PRDM16: variants seen among roughly 807,000 people sequenced by gnomAD.
The protein encoded by PRDM16 is histone-lysine N-methyltransferase PRDM16.
A neutral mutation model predicts 110.6 loss-of-function variants in PRDM16; 23 were observed. The ratio of observed to expected loss-of-function variants is 0.21; its 90% CI spans 0.15 to 0.29. The LOEUF (loss-of-function observed/expected upper bound fraction) is 0.29, where lower values mean the gene tolerates loss of function less well. PRDM16 is among the 10% of genes least tolerant of loss of function. The probability of loss-of-function intolerance (pLI) is 1.00; values close to 1 mark genes in which losing one functional copy is unlikely to be tolerated. For synonymous variants in PRDM16, 799 were observed against 781.8 expected (o/e 1.02, Z -0.37); for missense variants, 1,615 against 1,794.3 (o/e 0.90, Z 1.81).
At chr1:3,286,934 T>A (rs2100343506) in intron 3 of PRDM16, among the ~76,000 whole-genome samples, 1 of 150,962 alleles carries the variant, frequency 6.6e-6, no homozygotes, top group African/African-American at 2.4e-5. Context: ...CAAAGCTGGG[T>A]CTGCCCACCC....
intron 1 of PRDM16, among the ~76,000 whole-genome samples, chr1:3,162,859 G>A (rs191364441): frequency 6.6e-6 from 1 of 152,364 alleles, no homozygotes; most frequent in South Asian, 2.1e-4. Flanking sequence ...CAGGGCCCCC[G>A]GCTCTAGAGG....
chr1:3,339,410 G>T lies in PRDM16; in HGVS notation c.439-45742G>T, dbSNP rs1465069617. Among the ~76,000 whole-genome samples the T allele has an allele frequency of 6.6e-6, 1 of 152,140 alleles. No individual in the cohort carries two copies. Among genetic ancestry groups the T allele is most frequent in the Admixed American group, 6.5e-5 (1 of 15,284 alleles). ...GAGTGGCAACCATCCTGGGTGGTCA[G>T]TAGGACCCTAGAAAGTGCTCAGAGC... On this transcript the variant is annotated intron_variant, in intron 3 of 16. Coordinates refer to ENST00000270722, the MANE Select transcript of PRDM16 (RefSeq NM_022114.4). This position sits in a 1 kb window ranked among gnomAD's most constrained non-coding sequence, Gnocchi z 5.0.
chr1:3,180,949 C>T (rs1038038100), intron 1 of PRDM16, among the ~76,000 whole-genome samples: 41 of 150,640 alleles, frequency 2.7e-4, no homozygotes, highest in African/African-American at 9.8e-4. Flanking sequence ...CGCAGCCTTA[C>T]ACACGCAGTC....
chr1:3,316,820 ACAGGAAACAGTGACACAAAATAGG>A (rs1271461398), intron 3 of PRDM16, among the ~76,000 whole-genome samples: 16 of 152,196 alleles, frequency 1.1e-4, no homozygotes, highest in Middle Eastern at 3.4e-3. Context: ...CACAGGGTAG[ACAGGAAACAGTGACACAAAATAGG>A]CAGGAAACAG....
chr1:3,078,027 G>T (rs1336329209), intron 1 of PRDM16, among the ~76,000 whole-genome samples: 1 of 112,492 alleles, frequency 8.9e-6, no homozygotes, highest in Non-Finnish European at 2.0e-5. Context: ...AGCCTCCCTG[G>T]GTCTCCTCTG....
At chr1:3,279,908 C>CA (rs1640675920) in intron 3 of PRDM16, among the ~76,000 whole-genome samples, 1 of 147,444 alleles carries the variant, frequency 6.8e-6, no homozygotes, top group Non-Finnish European at 1.5e-5. Flanking sequence ...AATGTGGGTC[C>CA]ACACCATTCC....
At chr1:3,139,793 G>A (rs1385938792) in intron 1 of PRDM16, among the ~76,000 whole-genome samples, 1 of 152,256 alleles carries the variant, frequency 6.6e-6, no homozygotes, top group African/African-American at 2.4e-5. Context: ...CAAAGGGAAG[G>A]AGCTCCAGGC....
At chr1:3,166,609 C>T (rs151157983) in intron 1 of PRDM16, among the ~76,000 whole-genome samples, 119 of 152,308 alleles carry the variant, frequency 7.8e-4, no homozygotes, top group African/African-American at 2.7e-3. Context: ...CGCCAGTAAC[C>T]GCAGCCTCTT....
chr1:3,126,423 A>G (rs1643209633), intron 1 of PRDM16, among the ~76,000 whole-genome samples: 1 of 152,212 alleles, frequency 6.6e-6, no homozygotes, highest in African/African-American at 2.4e-5. Context: ...GCAGGTGCGC[A>G]GGAAGGGACA....
intron 3 of PRDM16, among the ~76,000 whole-genome samples, chr1:3,357,009 G>A (rs565263889): frequency 6.6e-6 from 1 of 152,324 alleles, no homozygotes; most frequent in East Asian, 1.9e-4. Context: ...GCTACACCCA[G>A]CTGCAGCTTG....
chr1:3,338,767 G>A (rs960308728), intron 3 of PRDM16, among the ~76,000 whole-genome samples: 11 of 152,210 alleles, frequency 7.2e-5, no homozygotes, highest in African/African-American at 2.7e-4. Context: ...AAGTGTCTGA[G>A]CACAGGCCAG....
At position 3,243,450 on chromosome 1, in the gene PRDM16, C is replaced by T. The variant is rs1392321840; in HGVS notation, c.388-637C>T. Among the ~76,000 whole-genome samples, 1 of 152,138 alleles carries T rather than the reference C, an allele frequency of 6.6e-6. No homozygotes were observed. Among genetic ancestry groups the T allele is most frequent in the Non-Finnish European group, 1.5e-5 (1 of 68,020 alleles). On this transcript the variant is annotated intron_variant, in intron 2 of 16. Transcript: ENST00000270722. The surrounding 1 kb of genome is among the most constrained non-coding windows in gnomAD (Gnocchi z 5.5). ...TCCAGCACCCACCAAGCCACCCTTC[C>T]GCAGGGCGTTGGCCGACCTCTGCCC...
intron 1 of PRDM16, among the ~76,000 whole-genome samples, chr1:3,155,307 G>A (rs552031777): frequency 6.6e-6 from 1 of 152,372 alleles, no homozygotes; most frequent in African/African-American, 2.4e-5. Flanking sequence ...TAAAATAGGG[G>A]AAAGAAAATC....
At chr1:3,398,451 T>C (rs2100633869) in intron 5 of PRDM16, among the ~76,000 whole-genome samples, 1 of 152,110 alleles carries the variant, frequency 6.6e-6, no homozygotes, top group East Asian at 1.9e-4. Flanking sequence ...AGAAAGAAAA[T>C]GCAAAAATGT....
chr1:3,317,354 C>T (rs1020457040), intron 3 of PRDM16, among the ~76,000 whole-genome samples: 1 of 152,220 alleles, frequency 6.6e-6, no homozygotes, highest in Non-Finnish European at 1.5e-5. Context: ...GAGGCTGCAG[C>T]GAGCCCCAGC....
intron 2 of PRDM16, 55 bp downstream of exon 2, chr1:3,186,529 C>G: frequency 2.5e-6 from 3 of 1,206,382 alleles, no homozygotes; most frequent in Non-Finnish European, 3.4e-6. Flanking sequence ...TGTGTTCAAT[C>G]TATTTATAAA....
intron 3 of PRDM16, among the ~76,000 whole-genome samples, chr1:3,296,013 G>C (rs543713764): frequency 6.6e-6 from 1 of 152,284 alleles, no homozygotes; most frequent in Non-Finnish European, 1.5e-5. Context: ...GCAGGAGGAA[G>C]AGCCTCAGCA....
chr1:3,094,924 C>T (rs1165701588), intron 1 of PRDM16, among the ~76,000 whole-genome samples: 1 of 152,216 alleles, frequency 6.6e-6, no homozygotes, highest in Non-Finnish European at 1.5e-5. Context: ...TGGAGCCACA[C>T]AGCCCGGAAC....
chr1:3,421,596 C>G lies in PRDM16; in HGVS notation c.2939+2852C>G, dbSNP rs554707392. Among the ~76,000 whole-genome samples the G allele has an allele frequency of 3.3e-5, 5 of 152,326 alleles. No individual in the cohort carries two copies. The South Asian group carries it at 1.0e-3, about 32-fold the overall frequency. Reference sequence around the variant, plus strand: ...CTGGGCCATTTATTTAGATTAGAAGCAAGAGAGGGCCACGTTCAGGGCTCT... The same window carrying G: ...CTGGGCCATTTATTTAGATTAGAAGGAAGAGAGGGCCACGTTCAGGGCTCT... On this transcript the variant is annotated intron_variant, in intron 12 of 16. Coordinates refer to ENST00000270722, the MANE Select transcript of PRDM16 (RefSeq NM_022114.4).
Sources: gnomAD v4.1 joint callset for allele counts (sites outside exome capture counted in the v4.1 genomes callset) on GRCh38, gnomAD v4.1.1 for gene constraint, Gnocchi (gnomAD v3.1) non-coding constraint, MANE v1.5 for transcripts, NCBI Gene and HGNC (gene_info 2026-07-23, HGNC 2026-07-21) for gene names.